SLC44A5: variants seen among roughly 807,000 people sequenced by gnomAD.
SLC44A5 encodes solute carrier family 44 member 5.
SLC44A5 carries 57 observed loss-of-function variants against 101.8 expected under a neutral mutation model. That is an observed-to-expected ratio of 0.56 (90% CI 0.45 to 0.70). The LOEUF is 0.70. Among genes scored for constraint, SLC44A5 ranks in the 30% least tolerant of loss-of-function variants. The probability of loss-of-function intolerance (pLI) is 0.00; values close to 1 mark genes in which losing one functional copy is unlikely to be tolerated. For missense variants in SLC44A5, 737 were observed against 853.1 expected (o/e 0.86, Z 1.70); for synonymous variants, 281 against 290.9 (o/e 0.97, Z 0.35).
the SLC44A5 span, among the ~76,000 whole-genome samples, chr1:75,695,102 C>T: frequency 6.6e-6 from 1 of 152,144 alleles, no homozygotes; most frequent in Admixed American, 6.5e-5. Context: ...TTGGGATCAG[C>T]TCTTTTTTAC....
chr1:75,666,865 G>T, the SLC44A5 span, among the ~76,000 whole-genome samples: 1 of 152,084 alleles, frequency 6.6e-6, no homozygotes, highest in African/African-American at 2.4e-5. Context: ...ATGCAGAAAA[G>T]GCATTCAACA....
chr1:75,682,534 A>G, the SLC44A5 span, among the ~76,000 whole-genome samples: 43,553 of 150,426 alleles, frequency 0.29, 6,502 homozygotes, highest in Non-Finnish European at 0.33. Context: ...AATGGTGCTG[A>G]GAAATCTGGC....
At chr1:75,462,084 C>A (rs574946341) in intron 2 of SLC44A5, among the ~76,000 whole-genome samples, 2 of 152,326 alleles carry the variant, frequency 1.3e-5, no homozygotes, top group Non-Finnish European at 2.9e-5. Flanking sequence ...TGGGCAAGAC[C>A]CAGTGCTGTG....
At chr1:75,617,296 C>G in the SLC44A5 span, among the ~76,000 whole-genome samples, 46 of 152,232 alleles carry the variant, frequency 3.0e-4, 1 homozygote, top group East Asian at 8.3e-3. Flanking sequence ...ATCTGATTGT[C>G]TAAACATTCA....
At chr1:75,340,322 T>C (rs1657779752) in intron 3 of SLC44A5, among the ~76,000 whole-genome samples, 1 of 152,132 alleles carries the variant, frequency 6.6e-6, no homozygotes, top group African/African-American at 2.4e-5. Flanking sequence ...GCAGACCCAG[T>C]AACAAATTAT....
chr1:75,701,555 G>T, the SLC44A5 span, among the ~76,000 whole-genome samples: 1 of 152,070 alleles, frequency 6.6e-6, no homozygotes, highest in Non-Finnish European at 1.5e-5. Flanking sequence ...ATATCATACT[G>T]AATGGGCAAA....
chr1:75,609,217 A>C (rs1385500378), intron 1 of SLC44A5, among the ~76,000 whole-genome samples: 4 of 151,786 alleles, frequency 2.6e-5, no homozygotes, highest in Admixed American at 2.0e-4. Context: ...CTGGGCTGGG[A>C]GGAGGAAGGG....
At position 75,414,356 on chromosome 1, in the gene SLC44A5, CAT is replaced by C. The variant is rs61190992; in HGVS notation, c.14-17737_14-17736del. Among the ~76,000 whole-genome samples the C allele has an allele frequency of 3.3e-3, 480 of 146,872 alleles. 1 individual carries two copies. The highest frequency in any genetic ancestry group is 6.7e-3 in the African/African-American group (263 of 39,512). On this transcript the variant is annotated intron_variant, in intron 2 of 23. Coordinates refer to ENST00000370859, the MANE Select transcript of SLC44A5 (RefSeq NM_001130058.2). ...ACACACACACACACACACACACACA[CAT>C]ATATCTTTTCCTCTTGTGAAGAGAG... is the stretch of plus-strand genomic sequence containing the variant.
At chr1:75,341,107 A>AT (rs781007725) in intron 3 of SLC44A5, among the ~76,000 whole-genome samples, 5 of 152,202 alleles carry the variant, frequency 3.3e-5, no homozygotes, top group Non-Finnish European at 7.3e-5. Flanking sequence ...TTTTAACAAC[A>AT]TTTTTTGGAT....
intron 3 of SLC44A5, among the ~76,000 whole-genome samples, chr1:75,353,787 G>T (rs1259381895): frequency 1.3e-5 from 2 of 152,168 alleles, no homozygotes; most frequent in Admixed American, 6.5e-5. Context: ...AAGTCACAAG[G>T]CAGGATTAAT....
the SLC44A5 span, among the ~76,000 whole-genome samples, chr1:75,722,296 G>A: frequency 1.3e-5 from 2 of 152,084 alleles, no homozygotes; most frequent in Admixed American, 6.6e-5. Context: ...TTTCCTTTCC[G>A]TCTAATTAGG....
At position 75,242,977 on chromosome 1, in the gene SLC44A5, G is replaced by T; in HGVS notation, c.380C>A (p.Thr127Asn). The change falls in exon 8 of 24, where the codon ACC becomes AAC. Residue 127 changes from threonine (T) to asparagine (N), a missense_variant. Physicochemically the swap from Thr to Asn is moderately conservative, Grantham distance 65. This residue lies in a region of SLC44A5 where 665 missense variants were observed against 764.4 expected (regional missense o/e 0.87). Coordinates refer to ENST00000370859, the MANE Select transcript of SLC44A5 (RefSeq NM_001130058.2). ...CVSKCPEKFL[T>N]YVEMQLLYTK... is the part of the protein sequence containing the mutation. Reference sequence around the variant, plus strand: ...GTACAAAAGTTGCATTTCCACATAGGTTAAAAATTTTTCTGGGCACTTGGA... The same window carrying T: ...GTACAAAAGTTGCATTTCCACATAGTTTAAAAATTTTTCTGGGCACTTGGA... 2 of 1,612,308 alleles carry T rather than the reference G, an allele frequency of 1.2e-6. No individual in the cohort carries two copies. Among genetic ancestry groups the T allele is most frequent in the Non-Finnish European group, 1.7e-6 (2 of 1,179,094 alleles).
chr1:75,249,302 T>C (rs2100638479), intron 7 of SLC44A5, among the ~76,000 whole-genome samples: 1 of 152,204 alleles, frequency 6.6e-6, no homozygotes, highest in South Asian at 2.1e-4. Context: ...AGCAAAAAAG[T>C]CAGAAGTCTA....
In SLC44A5 at chr1:75,412,782, G is replaced by A. The variant is rs1663364966; in HGVS notation, c.14-16161C>T. ...CTGCCCTGTTCCTTCTTGCCCAGAA[G>A]GTGAATCATCCCTTTGTCCAGCATC... is the stretch of plus-strand genomic sequence containing the variant. On this transcript the variant is annotated intron_variant, in intron 2 of 23. Transcript: ENST00000370859. Among the ~76,000 whole-genome samples, 3 of 152,132 alleles carry A rather than the reference G, an allele frequency of 2.0e-5. No individual in the cohort carries two copies. In the South Asian group the frequency reaches 6.2e-4, roughly 32 times the overall value.
At chr1:75,685,517 A>T in the SLC44A5 span, among the ~76,000 whole-genome samples, 1 of 152,090 alleles carries the variant, frequency 6.6e-6, no homozygotes, top group East Asian at 1.9e-4. Flanking sequence ...AGCACTTTTG[A>T]CCAGTTCCCA....
chr1:75,700,597 C>T, the SLC44A5 span, among the ~76,000 whole-genome samples: 1 of 152,110 alleles, frequency 6.6e-6, no homozygotes, highest in Non-Finnish European at 1.5e-5. Flanking sequence ...ATTAAAAGAA[C>T]TAGAGAAGCA....
the SLC44A5 span, among the ~76,000 whole-genome samples, chr1:75,677,317 T>A: frequency 1.3e-5 from 2 of 152,150 alleles, no homozygotes; most frequent in African/African-American, 4.8e-5. Context: ...TATAATAAGA[T>A]AAATGGAAAC....
intron 4 of SLC44A5, among the ~76,000 whole-genome samples, chr1:75,309,593 A>G (rs1655152839): frequency 6.6e-6 from 1 of 152,210 alleles, no homozygotes; most frequent in Non-Finnish European, 1.5e-5. Context: ...AACATTATAC[A>G]AGTATGCTAT....
chr1:75,390,679 T>C (rs1661725087), intron 3 of SLC44A5, among the ~76,000 whole-genome samples: 1 of 152,066 alleles, frequency 6.6e-6, no homozygotes, highest in Admixed American at 6.6e-5. Context: ...AAACTAAGCA[T>C]TAAAGAAGCA....
Sources: allele counts gnomAD v4.1 joint callset (sites outside exome capture counted in the v4.1 genomes callset), GRCh38; gene constraint gnomAD v4.1.1; regional missense constraint gnomAD v4.1.1; transcripts MANE v1.5; gene names NCBI Gene and HGNC (gene_info 2026-07-23, HGNC 2026-07-21).